Variants in SCLY observed in about 807,000 individuals in gnomAD.
SCLY encodes the protein selenocysteine lyase.
Under a neutral mutation model 50.1 loss-of-function variants are expected in SCLY, and 38 were observed. The observed-to-expected ratio is 0.76, with a 90% confidence interval of 0.59 to 0.99. SCLY has a LOEUF of 0.99. Ranked by LOEUF, SCLY falls within the 50% of genes least tolerant of loss-of-function variation. The pLI is 0.00. For synonymous variants in SCLY, 243 were observed against 249.4 expected (o/e 0.97, Z 0.24); for missense variants, 600 against 620.0 (o/e 0.97, Z 0.34).
chr2:238,066,802 A>G lies in SCLY; in HGVS notation c.203-1263A>G. Reference sequence around the variant, plus strand: ...ATGTACCTGAGACTGGGTAATTTATAAAGGAAAGAGGTTTAATTGACTCAC... The same window carrying G: ...ATGTACCTGAGACTGGGTAATTTATGAAGGAAAGAGGTTTAATTGACTCAC... On this transcript the variant is annotated intron_variant, in intron 2 of 11. Coordinates refer to ENST00000254663, the MANE Select transcript of SCLY (RefSeq NM_016510.7). This position sits in a 1 kb window ranked among gnomAD's most constrained non-coding sequence, Gnocchi z 4.1. Among the ~76,000 whole-genome samples, 1 of 152,204 alleles carries G rather than the reference A, an allele frequency of 6.6e-6. No individual in the cohort carries two copies. The highest frequency in any genetic ancestry group is 1.9e-4 in the East Asian group (1 of 5,192).
rs1259570738 is a variant in SCLY at position 238,061,059 on chromosome 2, A to G, written c.5A>G (p.Glu2Gly). The change falls in exon 1 of 12, where the codon GAG becomes GGG. Residue 2 changes from glutamate to glycine, a missense_variant. By Grantham distance (98) the Glu-to-Gly change is moderately conservative. Transcript: ENST00000254663. ...CCCGGCAGCAGTGGGGCGGGGATGG[A>G]GGCGGCCGTGGCGCCGGGGAGGGAT... M[E>G]AAVAPGRDAP... is the part of the protein sequence containing the mutation. 2.2e-6 allele frequency: 3 copies of G among 1,387,018 alleles called. No homozygotes were observed. Among genetic ancestry groups the G allele is most frequent in the Non-Finnish European group, 2.8e-6 (3 of 1,080,242 alleles). 85.9% of individuals were successfully genotyped at this position (1,387,018 alleles called of 1,614,324 possible). A position where few individuals can be genotyped will look rare whatever the true frequency, so the allele number is the denominator to read the frequency against.
chr2:238,095,778 T>C lies in SCLY; in HGVS notation c.1109-1023T>C, dbSNP rs556988513. 2.6e-5 allele frequency: 4 copies of C among 152,360 alleles called. No individual in the cohort carries two copies. In the East Asian group the frequency reaches 7.7e-4, roughly 29 times the overall value. 9.4% of individuals were successfully genotyped at this position (152,360 alleles called of 1,614,324 possible). ...TTTGATTCAGGGTCTCACTCTGTCG[T>C]CACCCAGGCTGGAGTGCTGTGGCGC... is the stretch of plus-strand genomic sequence containing the variant. On this transcript the variant is annotated intron_variant, in intron 10 of 11. Coordinates refer to ENST00000254663, the MANE Select transcript of SCLY (RefSeq NM_016510.7).
chr2:238,099,164 C>T lies in SCLY; in HGVS notation c.*809C>T, dbSNP rs1238118537. ...CAACCTCGCTGAGTTGGTGCAGCTC[C>T]AGGTCATTCCTGGGGTGGGAATCGG... is the stretch of plus-strand genomic sequence containing the variant. On this transcript the variant is annotated 3_prime_UTR_variant, in exon 12 of 12. Transcript: ENST00000254663. 4 of 450,990 alleles carry T rather than the reference C, an allele frequency of 8.9e-6. No individual in the cohort carries two copies. Among genetic ancestry groups the T allele is most frequent in the African/African-American group, 4.1e-5 (2 of 49,312 alleles). 27.9% of individuals were successfully genotyped at this position (450,990 alleles called of 1,614,324 possible). A position where few individuals can be genotyped will look rare whatever the true frequency, so the allele number is the denominator to read the frequency against.
At chr2:238,063,981 T>A (rs2065044844) in intron 1 of SCLY, among the ~76,000 whole-genome samples, 1 of 152,166 alleles carries the variant, frequency 6.6e-6, no homozygotes, top group Admixed American at 6.6e-5. Flanking sequence ...GGCACCATCA[T>A]AGCTCACTGC....
At chr2:238,091,291 C>G in intron 8 of SCLY, 37 bp downstream of exon 8, 1 of 1,585,062 alleles carries the variant, frequency 6.3e-7, no homozygotes, top group South Asian at 1.1e-5. Context: ...GAGTTGATTG[C>G]TTTGTCATCA....
chr2:238,087,531 G>A (rs1289935427), intron 7 of SCLY, among the ~76,000 whole-genome samples: 1 of 152,180 alleles, frequency 6.6e-6, no homozygotes, highest in Non-Finnish European at 1.5e-5. Flanking sequence ...CCAAAGAGAA[G>A]TCTTCAGGCC....
chr2:238,098,215 C>A lies in SCLY; in HGVS notation c.1198C>A (p.Leu400Met). The A allele has an allele frequency of 6.2e-7, 1 of 1,610,632 alleles. No individual in the cohort carries two copies. The highest frequency in any genetic ancestry group is 8.5e-7 in the Non-Finnish European group (1 of 1,179,392). ...SDHGDQPSPV[L>M]LSYGVPFDVA... ...CGCCCTCCCCAGGCCGTCCCCAGTGCTGCTGAGCTACGGTGTCCCCTTCGA... is the reference window on the plus strand; with the variant it reads ...CGCCCTCCCCAGGCCGTCCCCAGTGATGCTGAGCTACGGTGTCCCCTTCGA... Residue 400 changes from leucine (L) to methionine (M), a missense_variant, in exon 12 of 12, where the codon CTG (leucine) becomes ATG (methionine). Physicochemically the swap from Leu to Met is conservative, Grantham distance 15. Transcript: ENST00000254663.
At chr2:238,071,310 TA>T (rs1461963665) in intron 4 of SCLY, among the ~76,000 whole-genome samples, 1 of 152,214 alleles carries the variant, frequency 6.6e-6, no homozygotes, top group Non-Finnish European at 1.5e-5. Flanking sequence ...TAGAAAAGTA[TA>T]AAGTAAAAAG....
At chr2:238,079,019 G>A (rs1447228274) in intron 4 of SCLY, 2 of 142,060 alleles carry the variant, frequency 1.4e-5, no homozygotes, top group Non-Finnish European at 3.1e-5. Context: ...TTAATTTCCT[G>A]TCTTTTCTTT....
intron 4 of SCLY, among the ~76,000 whole-genome samples, chr2:238,076,658 C>G (rs2065177451): frequency 6.6e-6 from 1 of 150,762 alleles, no homozygotes; most frequent in Non-Finnish European, 1.5e-5. Flanking sequence ...CCACTATTGT[C>G]CCATGACCCT....
chr2:238,089,375 A>G (rs905424114), intron 7 of SCLY, among the ~76,000 whole-genome samples: 1 of 152,154 alleles, frequency 6.6e-6, no homozygotes, highest in African/African-American at 2.4e-5. Context: ...ATGGAGGAGA[A>G]TAGACCCAAA....
intron 1 of SCLY, 151 bp from the exon 2 acceptor site, chr2:238,064,206 T>A: frequency 2.4e-6 from 1 of 408,220 alleles, no homozygotes. Flanking sequence ...GATTCCCAAG[T>A]GCAGCTTGTG....
intron 7 of SCLY, among the ~76,000 whole-genome samples, chr2:238,090,432 C>T (rs2106452765): frequency 1.3e-5 from 2 of 152,258 alleles, no homozygotes; most frequent in Non-Finnish European, 2.9e-5. Flanking sequence ...GGCTGGATCA[C>T]GAGGTCAGGA....
At chr2:238,073,667 G>A (rs1364047789) in intron 4 of SCLY, 3 of 425,926 alleles carry the variant, frequency 7.0e-6, no homozygotes. Flanking sequence ...AAATGTAGTT[G>A]ACCCTTGAAC....
At chr2:238,091,529 AGTG>A in intron 8 of SCLY, 2 of 415,026 alleles carry the variant, frequency 4.8e-6, no homozygotes, top group Admixed American at 3.9e-5. Context: ...GCAGAGGTGA[AGTG>A]TCAAGCTGCA....
rs2065207953 is a variant in SCLY at position 238,079,121 on chromosome 2, C to G, written c.485-2588C>G. On this transcript the variant is annotated intron_variant, in intron 4 of 11. Coordinates refer to ENST00000254663, the MANE Select transcript of SCLY (RefSeq NM_016510.7). Reference sequence around the variant, plus strand: ...ACAAGATTCCACCCTGTCACCCAGGCTGGAGTTTGGTGTCACAATCACAAC... The same window carrying G: ...ACAAGATTCCACCCTGTCACCCAGGGTGGAGTTTGGTGTCACAATCACAAC... 1.7e-5 allele frequency: 2 copies of G among 119,252 alleles called. 1 individual carries two copies. Among genetic ancestry groups the G allele is most frequent in the Admixed American group, 2.3e-4 (2 of 8,572 alleles). The allele number at this position is 119,252 out of a possible 1,614,324, so 7.4% of individuals were successfully genotyped here.
chr2:238,080,319 A>G (rs756285307), intron 4 of SCLY: 2 of 152,178 alleles, frequency 1.3e-5, no homozygotes, highest in African/African-American at 2.4e-5. Flanking sequence ...GATTGCTTCT[A>G]TGTGATCTAG....
chr2:238,068,318 G>A, intron 3 of SCLY, 153 bp downstream of exon 3: 1 of 573,572 alleles, frequency 1.7e-6, no homozygotes, highest in East Asian at 3.3e-5. Context: ...GGAGGCCAAG[G>A]CAGGAGGGTT....
At chr2:238,089,436 C>T (rs953410045) in intron 7 of SCLY, among the ~76,000 whole-genome samples, 3 of 152,044 alleles carry the variant, frequency 2.0e-5, no homozygotes, top group South Asian at 2.1e-4. Context: ...GCAGGAGACG[C>T]AAATCAGTTC....
Sources: allele counts gnomAD v4.1 joint callset (sites outside exome capture counted in the v4.1 genomes callset), GRCh38; gene constraint gnomAD v4.1.1; non-coding constraint Gnocchi (gnomAD v3.1); transcripts MANE v1.5; gene names NCBI Gene and HGNC (gene_info 2026-07-23, HGNC 2026-07-21).